Variants in LUZP2 observed in about 807,000 individuals in gnomAD.
LUZP2 encodes the protein leucine zipper protein 2.
In LUZP2, 52 loss-of-function variants were observed where a neutral mutation model predicts 51.6. That is an observed-to-expected ratio of 1.01 (90% CI 0.81 to 1.27). The LOEUF is 1.27. Ranked by LOEUF, LUZP2 falls within the 50% of genes most tolerant of loss-of-function variation. The probability of loss-of-function intolerance (pLI) is 0.00; values close to 1 mark genes in which losing one functional copy is unlikely to be tolerated. For synonymous variants in LUZP2, 154 were observed against 137.3 expected (o/e 1.12, Z -0.85); for missense variants, 436 against 395.4 (o/e 1.10, Z -0.87).
intron 8 of LUZP2, 31 bp from the exon 9 acceptor site, chr11:24,983,095 T>A: frequency 6.2e-7 from 1 of 1,606,456 alleles, no homozygotes; most frequent in Non-Finnish European, 8.5e-7. Flanking sequence ...CATAGCTAAA[T>A]GTAAATATGT....
chr11:24,776,019 A>T (rs1425149908), intron 5 of LUZP2, among the ~76,000 whole-genome samples: 1 of 152,322 alleles, frequency 6.6e-6, no homozygotes, highest in Admixed American at 6.5e-5. Flanking sequence ...GTACAGATAA[A>T]TATTTGCTTA....
intron 1 of LUZP2, among the ~76,000 whole-genome samples, chr11:24,573,524 T>C (rs1302221227): frequency 1.3e-5 from 2 of 152,058 alleles, no homozygotes; most frequent in African/African-American, 4.8e-5. Context: ...ATTATTATTA[T>C]CTGGCAGTTG....
intron 5 of LUZP2, among the ~76,000 whole-genome samples, chr11:24,792,048 T>C (rs572817279): frequency 6.6e-6 from 1 of 152,260 alleles, no homozygotes; most frequent in Admixed American, 6.5e-5. Flanking sequence ...TTCTTCATTT[T>C]AAAATTATCC....
At chr11:24,968,100 A>G (rs968933124) in intron 7 of LUZP2, among the ~76,000 whole-genome samples, 1 of 152,102 alleles carries the variant, frequency 6.6e-6, no homozygotes, top group Non-Finnish European at 1.5e-5. Context: ...GTAGTACCCA[A>G]GCTCCTCTTA....
intron 7 of LUZP2, among the ~76,000 whole-genome samples, chr11:24,947,901 G>A (rs1307376553): frequency 6.6e-6 from 1 of 151,762 alleles, no homozygotes; most frequent in Non-Finnish European, 1.5e-5. Flanking sequence ...TCTAATGATT[G>A]CCTTTCAACA....
intron 7 of LUZP2, among the ~76,000 whole-genome samples, chr11:24,952,447 T>C (rs1253564820): frequency 6.6e-6 from 1 of 151,694 alleles, no homozygotes; most frequent in African/African-American, 2.4e-5. Flanking sequence ...ATATTAGAAA[T>C]TTAAATGTTA....
intron 1 of LUZP2, among the ~76,000 whole-genome samples, chr11:24,515,483 G>A (rs1328190589): frequency 2.6e-5 from 4 of 152,128 alleles, no homozygotes; most frequent in African/African-American, 4.8e-5. Context: ...ATAATGTTAA[G>A]TGCTTGGGAG....
At chr11:24,727,733 C>A (rs2133963495) in intron 1 of LUZP2, among the ~76,000 whole-genome samples, 1 of 152,038 alleles carries the variant, frequency 6.6e-6, no homozygotes, top group South Asian at 2.1e-4. Context: ...GACTACTGTT[C>A]ATCAGTGAAA....
At chr11:24,685,641 C>A (rs1427684464) in intron 1 of LUZP2, among the ~76,000 whole-genome samples, 4 of 152,156 alleles carry the variant, frequency 2.6e-5, no homozygotes, top group African/African-American at 9.7e-5. Flanking sequence ...TCTACTCATT[C>A]CACTCCTGCA....
At chr11:24,831,448 A>G (rs149577081) in intron 5 of LUZP2, among the ~76,000 whole-genome samples, 1,969 of 152,340 alleles carry the variant, frequency 0.013, 19 homozygotes, top group Middle Eastern at 0.054. Context: ...TTAGAAAAAC[A>G]GAATGAGATG....
intron 1 of LUZP2, among the ~76,000 whole-genome samples, chr11:24,673,279 G>T (rs1235702936): frequency 1.3e-5 from 2 of 152,090 alleles, no homozygotes; most frequent in Admixed American, 6.5e-5. Flanking sequence ...TCATATATCT[G>T]GTTATATCTG....
intron 1 of LUZP2, among the ~76,000 whole-genome samples, chr11:24,637,599 C>T (rs377626549): frequency 6.6e-6 from 1 of 151,650 alleles, no homozygotes; most frequent in African/African-American, 2.4e-5. Context: ...GGAATGCATT[C>T]CTGGGGGGCG....
chr11:24,827,097 G>C (rs1197839434), intron 5 of LUZP2, among the ~76,000 whole-genome samples: 1 of 151,416 alleles, frequency 6.6e-6, no homozygotes, highest in Non-Finnish European at 1.5e-5. Flanking sequence ...CATAGTGTGG[G>C]TTTTGTTACT....
intron 1 of LUZP2, among the ~76,000 whole-genome samples, chr11:24,556,062 A>C (rs565411817): frequency 3.5e-4 from 53 of 152,242 alleles, no homozygotes; most frequent in Non-Finnish European, 6.9e-4. Context: ...CAGTTTGTAT[A>C]ATGTTTTTTA....
At chr11:24,904,705 A>G (rs1853393097) in intron 5 of LUZP2, among the ~76,000 whole-genome samples, 1 of 152,166 alleles carries the variant, frequency 6.6e-6, no homozygotes, top group Non-Finnish European at 1.5e-5. Context: ...CCCATCCTTC[A>G]GCTTGTCTCT....
chr11:24,607,737 C>T (rs1414190590), intron 1 of LUZP2, among the ~76,000 whole-genome samples: 3 of 151,126 alleles, frequency 2.0e-5, no homozygotes, highest in Non-Finnish European at 2.9e-5. Flanking sequence ...TTTTTCATAG[C>T]GTTGATTCTG....
At chr11:24,971,741 T>C (rs1434861963) in intron 7 of LUZP2, among the ~76,000 whole-genome samples, 1 of 152,152 alleles carries the variant, frequency 6.6e-6, no homozygotes, top group Non-Finnish European at 1.5e-5. Context: ...CATGGGATGG[T>C]ATCTGCAAGT....
chr11:24,963,579 A>G (rs1352886427), intron 7 of LUZP2, among the ~76,000 whole-genome samples: 1 of 146,644 alleles, frequency 6.8e-6, no homozygotes, highest in Non-Finnish European at 1.5e-5. Flanking sequence ...CATGTGCGGG[A>G]TATAATCTCC....
At chr11:24,884,012 G>A (rs946651507) in intron 5 of LUZP2, among the ~76,000 whole-genome samples, 2 of 152,054 alleles carry the variant, frequency 1.3e-5, no homozygotes, top group East Asian at 3.9e-4. Context: ...GAATTGCAAA[G>A]AGAGGGTGGC....
Sources: allele counts gnomAD v4.1 joint callset (sites outside exome capture counted in the v4.1 genomes callset), GRCh38; gene constraint gnomAD v4.1.1; transcripts MANE v1.5; gene names NCBI Gene and HGNC (gene_info 2026-07-23, HGNC 2026-07-21).